AGAP1: variants seen among roughly 807,000 people sequenced by gnomAD.
AGAP1 encodes the protein ArfGAP with GTPase domain, ankyrin repeat and PH domain 1, also known as arf-GAP with GTPase, ANK repeat and PH domain-containing protein 1.
A neutral mutation model predicts 105.3 loss-of-function variants in AGAP1; 29 were observed. That is an observed-to-expected ratio of 0.28 (90% CI 0.21 to 0.38). The LOEUF is 0.38. Among genes scored for constraint, AGAP1 ranks in the 10% least tolerant of loss-of-function variants. AGAP1 has a pLI of 1.00. For synonymous variants in AGAP1, 509 were observed against 485.9 expected (o/e 1.05, Z -0.63); for missense variants, 998 against 1,165.1 (o/e 0.86, Z 2.09).
rs1478406944 is a variant in AGAP1, at chr2:235,789,306, G to A, written c.674-8453G>A. 2.0e-5 allele frequency among the ~76,000 whole-genome samples: 3 copies of A among 152,114 alleles called. No individual in the cohort carries two copies. Among genetic ancestry groups the A allele is most frequent in the African/African-American group, 4.8e-5 (2 of 41,406 alleles). Reference sequence around the variant, plus strand: ...CTCATTCTAAAATTCTGAAATTAACGTCAGCAGCCTTGACTTTGCTCTGTC... The same window carrying A: ...CTCATTCTAAAATTCTGAAATTAACATCAGCAGCCTTGACTTTGCTCTGTC... On this transcript the variant is annotated intron_variant, in intron 6 of 17. Transcript: ENST00000304032. The surrounding 1 kb of genome is among the most constrained non-coding windows in gnomAD (Gnocchi z 4.2).
intron 12 of AGAP1, among the ~76,000 whole-genome samples, chr2:235,942,720 TAA>T (rs908722047): frequency 6.6e-6 from 1 of 152,118 alleles, no homozygotes; most frequent in Non-Finnish European, 1.5e-5. Context: ...TACAGAAGTC[TAA>T]AATTTTGTAA....
In AGAP1 at chr2:235,622,995, C is replaced by T. The variant is rs1312894790; in HGVS notation, c.164-86184C>T. On this transcript the variant is annotated intron_variant, in intron 1 of 17. Coordinates refer to ENST00000304032, the MANE Select transcript of AGAP1 (RefSeq NM_001037131.3). This position sits in a 1 kb window ranked among gnomAD's most constrained non-coding sequence, Gnocchi z 5.0. Reference sequence around the variant, plus strand: ...GAACAAAGTCAACAGCAATGACTGTCGCTGAATCTTAAGTTTATTCTGGAT... The same window carrying T: ...GAACAAAGTCAACAGCAATGACTGTTGCTGAATCTTAAGTTTATTCTGGAT... Among the ~76,000 whole-genome samples, 3 of 152,150 alleles carry T rather than the reference C, an allele frequency of 2.0e-5. No homozygotes were observed. The highest frequency in any genetic ancestry group is 6.5e-5 in the Admixed American group (1 of 15,284).
chr2:235,753,177 C>T lies in AGAP1; in HGVS notation c.673+2689C>T, dbSNP rs1456519247. Among the ~76,000 whole-genome samples the T allele has an allele frequency of 6.6e-6, 1 of 152,168 alleles. No individual in the cohort carries two copies. Among genetic ancestry groups the T allele is most frequent in the African/African-American group, 2.4e-5 (1 of 41,424 alleles). The stretch of plus-strand genomic sequence containing the variant: ...CACGTTCAAGGCAGAGGACAGGCAG[C>T]CACCCACCTCTGTGTTGGAAGCATT... On this transcript the variant is annotated intron_variant, in intron 6 of 17. Coordinates refer to ENST00000304032, the MANE Select transcript of AGAP1 (RefSeq NM_001037131.3). This position sits in a 1 kb window ranked among gnomAD's most constrained non-coding sequence, Gnocchi z 4.5.
At chr2:235,825,230 A>G in intron 9 of AGAP1, among the ~76,000 whole-genome samples, 1 of 152,222 alleles carries the variant, frequency 6.6e-6, no homozygotes, top group East Asian at 1.9e-4. Flanking sequence ...GGGAGAGGAC[A>G]CTGAAATGAT....
rs1476492809 is a variant in AGAP1 at position 235,631,019 on chromosome 2, C to T, written c.164-78160C>T. Reference sequence around the variant, plus strand: ...ATTCTCTGGTAACTGTGAATCGTGTCGTAAAACGCGTCTTTGGCCTGTCAA... The same window carrying T: ...ATTCTCTGGTAACTGTGAATCGTGTTGTAAAACGCGTCTTTGGCCTGTCAA... On this transcript the variant is annotated intron_variant, in intron 1 of 17. Coordinates refer to ENST00000304032, the MANE Select transcript of AGAP1 (RefSeq NM_001037131.3). The surrounding 1 kb of genome is among the most constrained non-coding windows in gnomAD (Gnocchi z 5.4). 6.6e-6 allele frequency among the ~76,000 whole-genome samples: 1 copy of T among 152,162 alleles called. No individual in the cohort carries two copies. The highest frequency in any genetic ancestry group is 6.5e-5 in the Admixed American group (1 of 15,274).
intron 13 of AGAP1, among the ~76,000 whole-genome samples, chr2:235,974,590 C>T (rs896984846): frequency 1.3e-5 from 2 of 152,254 alleles, no homozygotes; most frequent in South Asian, 4.2e-4. Flanking sequence ...TGTGGTTGAT[C>T]CTGGATGGAT....
chr2:235,933,196 G>T (rs2052807960), intron 12 of AGAP1, among the ~76,000 whole-genome samples: 1 of 152,192 alleles, frequency 6.6e-6, no homozygotes, highest in African/African-American at 2.4e-5. Flanking sequence ...CTTGAGAAAT[G>T]CTTAAAGAAC....
rs1365798088 is a variant in AGAP1 at position 235,721,739 on chromosome 2, T to G, written c.310+4095T>G. Among the ~76,000 whole-genome samples the G allele has an allele frequency of 6.6e-6, 1 of 152,214 alleles. No homozygotes were observed. The highest frequency in any genetic ancestry group is 2.4e-5 in the African/African-American group (1 of 41,452). On this transcript the variant is annotated intron_variant, in intron 3 of 17. Transcript: ENST00000304032. This position sits in a 1 kb window ranked among gnomAD's most constrained non-coding sequence, Gnocchi z 4.5. Reference sequence around the variant, plus strand: ...TCCTTTATATTCTAATCCTGACCCATGGCTGGGATATGTAGATTGCTGGGA... The same window carrying G: ...TCCTTTATATTCTAATCCTGACCCAGGGCTGGGATATGTAGATTGCTGGGA...
intron 1 of AGAP1, among the ~76,000 whole-genome samples, chr2:235,678,014 G>A (rs973531670): frequency 7.0e-6 from 1 of 143,442 alleles, no homozygotes; most frequent in African/African-American, 2.5e-5. Context: ...TTGAGGATGC[G>A]TATTTGTGAC....
intron 12 of AGAP1, among the ~76,000 whole-genome samples, chr2:235,945,945 A>G (rs1575847663): frequency 1.3e-5 from 2 of 151,824 alleles, no homozygotes. Context: ...AAGTGACCAG[A>G]TCTCATGAGA....
At chr2:235,996,163 A>C (rs2055804945) in intron 13 of AGAP1, among the ~76,000 whole-genome samples, 1 of 152,218 alleles carries the variant, frequency 6.6e-6, no homozygotes. Flanking sequence ...CAGTTGTGTC[A>C]GTTTCATTAT....
At chr2:235,640,156 C>T (rs566233717) in intron 1 of AGAP1, among the ~76,000 whole-genome samples, 3 of 152,192 alleles carry the variant, frequency 2.0e-5, no homozygotes, top group Non-Finnish European at 4.4e-5. Flanking sequence ...TAGTCAGAAA[C>T]TCACTTTGCT....
chr2:236,052,933 T>C (rs1018654835), intron 16 of AGAP1, among the ~76,000 whole-genome samples: 3 of 152,152 alleles, frequency 2.0e-5, no homozygotes, highest in Admixed American at 6.5e-5. Flanking sequence ...TAAGTGGGGA[T>C]GTTGAAGTGG....
At chr2:235,895,019 T>C (rs1412499812) in intron 10 of AGAP1, among the ~76,000 whole-genome samples, 3 of 152,190 alleles carry the variant, frequency 2.0e-5, no homozygotes, top group Non-Finnish European at 4.4e-5. Context: ...GCCTCCGTTT[T>C]CTCTTCCTCC....
chr2:235,683,709 T>A (rs1949217764), intron 1 of AGAP1, among the ~76,000 whole-genome samples: 1 of 151,716 alleles, frequency 6.6e-6, no homozygotes, highest in Non-Finnish European at 1.5e-5. Context: ...CTTTTTTTTT[T>A]TATTATATTT....
intron 6 of AGAP1, among the ~76,000 whole-genome samples, chr2:235,790,419 G>A (rs1231009304): frequency 3.3e-5 from 5 of 152,062 alleles, no homozygotes; most frequent in Non-Finnish European, 7.3e-5. Context: ...CTGGAACCAG[G>A]CTGCTGAGTT....
chr2:235,756,147 G>T (rs1460641955), intron 6 of AGAP1, among the ~76,000 whole-genome samples: 1 of 152,162 alleles, frequency 6.6e-6, no homozygotes, highest in Non-Finnish European at 1.5e-5. Context: ...TTTGGAGAGT[G>T]TAAATTTTAG....
chr2:235,797,939 A>G lies in AGAP1; in HGVS notation c.801+53A>G, dbSNP rs900384974. The G allele has an allele frequency of 1.9e-6, 3 of 1,597,446 alleles. No homozygotes were observed. In the East Asian group the frequency reaches 6.7e-5, roughly 36 times the overall value. ...CTCTTAGAACCAAAGACAATATGCA[A>G]ATAGTGTTCCCAGCCAATGCTAAGG... On this transcript the variant is annotated intron_variant, in intron 7 of 17. Coordinates refer to ENST00000304032, the MANE Select transcript of AGAP1 (RefSeq NM_001037131.3).
At chr2:235,835,208 A>T (rs1959992560) in intron 9 of AGAP1, among the ~76,000 whole-genome samples, 1 of 151,738 alleles carries the variant, frequency 6.6e-6, no homozygotes, top group Non-Finnish European at 1.5e-5. Context: ...GGATTTTGTC[A>T]CTCCTTCAGT....
Sources: gnomAD v4.1 joint callset for allele counts (sites outside exome capture counted in the v4.1 genomes callset) on GRCh38, gnomAD v4.1.1 for gene constraint, Gnocchi (gnomAD v3.1) non-coding constraint, MANE v1.5 for transcripts, NCBI Gene and HGNC (gene_info 2026-07-23, HGNC 2026-07-21) for gene names.